The following CLCN7 variants were observed in gnomAD, a reference collection of about 807,000 sequenced individuals.
The protein encoded by CLCN7 is H(+)/Cl(-) exchange transporter 7.
In CLCN7, 60 loss-of-function variants were observed where a neutral mutation model predicts 102.1. The observed-to-expected ratio is 0.59, with a 90% CI of 0.48 to 0.73. The LOEUF (loss-of-function observed/expected upper bound fraction) is 0.73, where lower values mean the gene tolerates loss of function less well. Among genes scored for constraint, CLCN7 ranks in the 30% least tolerant of loss-of-function variants. The pLI is 0.00. For synonymous variants in CLCN7, 560 were observed against 490.5 expected, an observed-to-expected ratio of 1.14 and a Z score of -1.87; for missense variants, 962 against 1,125.7, an observed-to-expected ratio of 0.85 and a Z score of 2.08.
At chr16:1,464,190 T>C (rs988809372) in intron 2 of CLCN7, among the ~76,000 whole-genome samples, 1 of 152,098 alleles carries the variant, frequency 6.6e-6, no homozygotes, top group African/African-American at 2.4e-5. Flanking sequence ...TTTGCATCTA[T>C]GTATAAAGAA....
At chr16:1,453,984 G>T in intron 13 of CLCN7, 90 bp from the exon 14 acceptor site, 1 of 1,304,584 alleles carries the variant, frequency 7.7e-7, no homozygotes, top group Non-Finnish European at 1.1e-6. Flanking sequence ...GAAGCTGGAG[G>T]GTTTGCAGAG....
intron 6 of CLCN7, 66 bp from the exon 7 acceptor site, chr16:1,459,253 C>G: frequency 7.4e-7 from 1 of 1,352,198 alleles, no homozygotes. Flanking sequence ...CCCCTCAGCC[C>G]CAGGAGCCCC....
chr16:1,463,602 T>C (rs1353579173), intron 2 of CLCN7, among the ~76,000 whole-genome samples: 1 of 152,090 alleles, frequency 6.6e-6, no homozygotes, highest in Non-Finnish European at 1.5e-5. Context: ...GCGTCCTGAG[T>C]AGCTGGGACC....
At chr16:1,469,448 G>A (rs1443119649) in intron 1 of CLCN7, among the ~76,000 whole-genome samples, 2 of 152,138 alleles carry the variant, frequency 1.3e-5, no homozygotes, top group Non-Finnish European at 2.9e-5. Flanking sequence ...CACTTTGGGA[G>A]GCTGAGGCGG....
intron 1 of CLCN7, chr16:1,471,723 G>A (rs1261668832): frequency 6.6e-6 from 1 of 152,274 alleles, no homozygotes; most frequent in Non-Finnish European, 1.5e-5. Flanking sequence ...GAGGCTACAG[G>A]CCTTGCAGGA....
chr16:1,459,594 C>A (rs12925271), intron 6 of CLCN7, among the ~76,000 whole-genome samples: 6 of 37,910 alleles, frequency 1.6e-4, no homozygotes, highest in East Asian at 5.4e-4. Context: ...GGAAGGGGAG[C>A]TCAGCACACA....
At chr16:1,456,414 C>T (rs571551670) in intron 9 of CLCN7, among the ~76,000 whole-genome samples, 5 of 152,356 alleles carry the variant, frequency 3.3e-5, no homozygotes, top group East Asian at 3.9e-4. Flanking sequence ...CAGGGAAACA[C>T]GCAAACACCC....
intron 14 of CLCN7, 61 bp downstream of exon 14, chr16:1,453,773 C>T (rs573792039): frequency 5.4e-4 from 821 of 1,519,088 alleles, no homozygotes; most frequent in Non-Finnish European, 7.0e-4. Flanking sequence ...ACCACGTCCG[C>T]TTTCAAAGGG....
chr16:1,448,685 CAGTG>C lies in CLCN7; in HGVS notation c.1875_1878del (p.Thr626ProfsTer4). 5 of 1,612,690 alleles carry C rather than the reference CAGTG, an allele frequency of 3.1e-6. No individual in the cohort carries two copies. The highest frequency in any genetic ancestry group is 1.7e-5 in the Admixed American group (1 of 60,030). On this transcript the variant is annotated frameshift_variant, in exon 20 of 25. Transcript: ENST00000382745. LOFTEE classifies it high-confidence loss of function. Reference sequence around the variant, plus strand: ...CAGGTGTCCTGGGCGCTGTACCTGGCAGTGAGTGAGTGTGAGGTGACCGGGGCCT... The same window carrying C: ...CAGGTGTCCTGGGCGCTGTACCTGGCAGTGAGTGTGAGGTGACCGGGGCCT...
At chr16:1,468,363 G>C (rs920262497) in intron 1 of CLCN7, among the ~76,000 whole-genome samples, 14 of 152,342 alleles carry the variant, frequency 9.2e-5, no homozygotes, top group African/African-American at 3.4e-4. Flanking sequence ...TGCCCGGAGT[G>C]AAAGGATGGG....
chr16:1,447,300 G>C, intron 23 of CLCN7, 92 bp downstream of exon 23: 3 of 1,325,260 alleles, frequency 2.3e-6, no homozygotes, highest in Admixed American at 4.1e-5. Flanking sequence ...CTCCGCTGTG[G>C]CCCCCCCCGG....
At chr16:1,451,805 T>C (rs113085689) in intron 15 of CLCN7, 89 bp from the exon 16 acceptor site, 1 of 1,059,894 alleles carries the variant, frequency 9.4e-7, no homozygotes, top group South Asian at 1.3e-5. Flanking sequence ...AGAGGCCGTG[T>C]ACCCTGTGCC....
At position 1,447,555 on chromosome 16, in the gene CLCN7, C is replaced by A. The variant is rs1032308852; in HGVS notation, c.2087G>T (p.Arg696Leu). The A allele has an allele frequency of 7.7e-6, 12 of 1,556,044 alleles. No homozygotes were observed. The highest frequency in any genetic ancestry group is 9.6e-6 in the Non-Finnish European group (11 of 1,150,232). The change falls in exon 23 of 25, where the codon CGG (arginine) becomes CTG (leucine). Residue 696 changes from arginine to leucine, a missense_variant. This residue lies in a region of CLCN7 where 799 missense variants were observed against 988.0 expected (regional missense o/e 0.81). Transcript: ENST00000382745. ...CCGCTGTACCAGGCCCAGGTTGGAC[C>A]GCTCCACAAACACCTGCGGGCGGCA... ...VLLKHKVFVE[R>L]SNLGLVQRRL... is the part of the protein sequence containing the mutation.
At chr16:1,459,225 A>G (rs1473684628) in intron 6 of CLCN7, 38 bp from the exon 7 acceptor site, 1 of 1,535,274 alleles carries the variant, frequency 6.5e-7, no homozygotes, top group Admixed American at 1.7e-5. Context: ...GGTCACGGCC[A>G]GGCTGAGACA....
At chr16:1,465,672 C>T (rs779621915) in intron 1 of CLCN7, among the ~76,000 whole-genome samples, 3 of 152,236 alleles carry the variant, frequency 2.0e-5, no homozygotes, top group South Asian at 2.1e-4. Context: ...ATGCAGTGCC[C>T]GCCACAGCAC....
rs73493706 is a variant in CLCN7, at chr16:1,465,246, C to T, written c.213+21G>A. On this transcript the variant is annotated intron_variant, in intron 2 of 24. Transcript: ENST00000382745. ...AGATGCAGCTAGCTCTGCGGGAGGA[C>T]GGGGAACACCCCCAACTCACCGGGT... 1.4e-3 allele frequency: 2,293 copies of T among 1,608,294 alleles called. 14 individuals carry two copies. In the African/African-American group the frequency reaches 0.02, roughly 14 times the overall value.
At chr16:1,469,514 C>T (rs373996462) in intron 1 of CLCN7, among the ~76,000 whole-genome samples, 15 of 150,472 alleles carry the variant, frequency 1.0e-4, no homozygotes, top group Admixed American at 7.9e-4. Flanking sequence ...GGCGAAACCC[C>T]AACTCTCCTA....
intron 1 of CLCN7, among the ~76,000 whole-genome samples, chr16:1,465,582 C>T (rs888952397): frequency 6.6e-6 from 1 of 152,206 alleles, no homozygotes; most frequent in African/African-American, 2.4e-5. Flanking sequence ...GAGTCCAGGG[C>T]GCAAGCTCCC....
rs67969666 is a variant in CLCN7 at position 1,462,665 on chromosome 16, C to CAAAAA, written c.214-996_214-992dup. The stretch of plus-strand genomic sequence containing the variant: ...GAGACCCCAACTCTTAAAAAAAAGC[C>CAAAAA]AAAAAAAAAAAAAAAAAAAAAACCA... On this transcript the variant is annotated intron_variant, in intron 2 of 24. Transcript: ENST00000382745. 5.4e-3 allele frequency among the ~76,000 whole-genome samples: 193 copies of CAAAAA among 36,064 alleles called. 5 individuals are homozygous for CAAAAA. The highest frequency in any genetic ancestry group is 0.014 in the African/African-American group (178 of 12,610). The allele number at this position is 36,064 out of a possible 152,430, so 23.7% of individuals were successfully genotyped here.
Sources: gnomAD v4.1 joint callset for allele counts (sites outside exome capture counted in the v4.1 genomes callset) on GRCh38, gnomAD v4.1.1 for gene constraint, gnomAD v4.1.1 regional missense constraint, MANE v1.5 for transcripts, NCBI Gene and HGNC (gene_info 2026-07-23, HGNC 2026-07-21) for gene names.